Variants in MPPED2 observed in about 807,000 individuals in gnomAD.
MPPED2 encodes metallophosphoesterase MPPED2.
MPPED2 carries 5 observed loss-of-function variants against 33.0 expected under a neutral mutation model. The ratio of observed to expected loss-of-function variants is 0.15; its 90% CI spans 0.08 to 0.32. The LOEUF (loss-of-function observed/expected upper bound fraction) is 0.32, where lower values mean the gene tolerates loss of function less well. Among genes scored for constraint, MPPED2 ranks in the 10% least tolerant of loss-of-function variants. The pLI is 1.00. For missense variants in MPPED2, 275 were observed against 372.1 expected (o/e 0.74, Z 2.15); for synonymous variants, 136 against 141.9 (o/e 0.96, Z 0.29).
At chr11:30,396,961 C>T (rs1947846560) in intron 6 of MPPED2, among the ~76,000 whole-genome samples, 1 of 152,142 alleles carries the variant, frequency 6.6e-6, no homozygotes, top group Admixed American at 6.6e-5. Flanking sequence ...TTCTATCTCT[C>T]TTCTTTATTC....
chr11:30,424,488 A>G (rs1948745956), intron 4 of MPPED2, among the ~76,000 whole-genome samples: 1 of 152,140 alleles, frequency 6.6e-6, no homozygotes, highest in South Asian at 2.1e-4. Flanking sequence ...ATCATACTGC[A>G]CTTCACAGCG....
intron 2 of MPPED2, among the ~76,000 whole-genome samples, chr11:30,574,909 C>A (rs1956861278): frequency 6.6e-6 from 1 of 152,176 alleles, no homozygotes; most frequent in South Asian, 2.1e-4. Flanking sequence ...CAAATGTATT[C>A]CCTAAAAATC....
At chr11:30,580,762 C>A (rs1398111039) in intron 1 of MPPED2, among the ~76,000 whole-genome samples, 1 of 152,138 alleles carries the variant, frequency 6.6e-6, no homozygotes, top group Admixed American at 6.5e-5. Flanking sequence ...TGGCACTTAG[C>A]GTGAATTACG....
At chr11:30,579,152 G>T (rs1957054982) in intron 2 of MPPED2, among the ~76,000 whole-genome samples, 1 of 149,544 alleles carries the variant, frequency 6.7e-6, no homozygotes. Flanking sequence ...TCAATGGAAA[G>T]ACCCTTTTGT....
At chr11:30,527,686 G>C (rs1267410608) in intron 3 of MPPED2, among the ~76,000 whole-genome samples, 2 of 152,170 alleles carry the variant, frequency 1.3e-5, no homozygotes, top group African/African-American at 2.4e-5. Flanking sequence ...CTGGTGGCCA[G>C]GTAGGGCCAC....
At chr11:30,416,554 TC>T (rs751388184) in intron 5 of MPPED2, among the ~76,000 whole-genome samples, 2 of 152,214 alleles carry the variant, frequency 1.3e-5, no homozygotes, top group African/African-American at 4.8e-5. Flanking sequence ...AAGTGTTTTT[TC>T]CCTCTCTCCA....
rs143356981 is a variant in MPPED2 at position 30,479,155 on chromosome 11, T to C, written c.536+16141A>G. Among the ~76,000 whole-genome samples the C allele has an allele frequency of 9.7e-4, 148 of 152,020 alleles. 1 individual carries two copies. The highest frequency in any genetic ancestry group is 3.2e-3 in the African/African-American group (134 of 41,474). On this transcript the variant is annotated intron_variant, in intron 4 of 6. Transcript: ENST00000358117. ...AGGGAATATGCTGGAGGGAGGGAGA[T>C]CACACTGGCCAAAAGGGTGGAAAAA...
chr11:30,546,040 G>A (rs893177489), intron 2 of MPPED2, among the ~76,000 whole-genome samples: 5 of 152,050 alleles, frequency 3.3e-5, no homozygotes, highest in Non-Finnish European at 5.9e-5. Flanking sequence ...GGCTGGTCTC[G>A]AACTCCTGAC....
At chr11:30,428,751 C>T (rs977002960) in intron 4 of MPPED2, among the ~76,000 whole-genome samples, 5 of 152,086 alleles carry the variant, frequency 3.3e-5, no homozygotes, top group East Asian at 1.9e-4. Flanking sequence ...CAACCATACA[C>T]GTATGTTGTG....
At chr11:30,516,882 A>G (rs1252577630) in intron 3 of MPPED2, among the ~76,000 whole-genome samples, 1 of 152,210 alleles carries the variant, frequency 6.6e-6, no homozygotes, top group Admixed American at 6.5e-5. Context: ...TTCTTAATTC[A>G]TTTTAAGATA....
In MPPED2 at chr11:30,509,520, G is replaced by A. The variant is rs141542374; in HGVS notation, c.311-13999C>T. Among the ~76,000 whole-genome samples the A allele has an allele frequency of 2.4e-4, 37 of 152,218 alleles. No homozygotes were observed. In the East Asian group the frequency reaches 6.0e-3, roughly 25 times the overall value. On this transcript the variant is annotated intron_variant, in intron 3 of 6. Coordinates refer to ENST00000358117, the MANE Select transcript of MPPED2 (RefSeq NM_001584.3). ...AAGTTTTCACCCCTAGGCCTCTCAGGAAAATCACTGCTGTTTTGACAGCTG... is the reference window on the plus strand; with the variant it reads ...AAGTTTTCACCCCTAGGCCTCTCAGAAAAATCACTGCTGTTTTGACAGCTG...
At chr11:30,469,491 G>C (rs978796873) in intron 4 of MPPED2, among the ~76,000 whole-genome samples, 6 of 152,282 alleles carry the variant, frequency 3.9e-5, no homozygotes, top group African/African-American at 1.4e-4. Context: ...CAGAATCGGA[G>C]ATGTAGCAGC....
intron 4 of MPPED2, among the ~76,000 whole-genome samples, chr11:30,461,808 T>C (rs1950527777): frequency 6.6e-6 from 1 of 152,214 alleles, no homozygotes; most frequent in South Asian, 2.1e-4. Context: ...CAATTTTATC[T>C]CTAGAATTTT....
intron 3 of MPPED2, among the ~76,000 whole-genome samples, chr11:30,532,131 T>C (rs917541193): frequency 1.3e-5 from 2 of 152,232 alleles, no homozygotes; most frequent in African/African-American, 4.8e-5. Flanking sequence ...AATGCAGGGG[T>C]ACAGCATCTG....
chr11:30,466,275 A>G (rs1444866802), intron 4 of MPPED2, among the ~76,000 whole-genome samples: 1 of 152,270 alleles, frequency 6.6e-6, no homozygotes, highest in Non-Finnish European at 1.5e-5. Flanking sequence ...ATCAGGATTC[A>G]GCTAAGAGAG....
chr11:30,439,946 T>C (rs562154251), intron 4 of MPPED2, among the ~76,000 whole-genome samples: 1 of 152,340 alleles, frequency 6.6e-6, no homozygotes, highest in African/African-American at 2.4e-5. Flanking sequence ...GAATTAGCAG[T>C]AATATAGGTA....
intron 2 of MPPED2, among the ~76,000 whole-genome samples, chr11:30,540,248 C>T (rs1955024412): frequency 6.6e-6 from 1 of 152,150 alleles, no homozygotes; most frequent in Non-Finnish European, 1.5e-5. Flanking sequence ...TGACACACAA[C>T]AAATGCTCCA....
chr11:30,525,378 G>A (rs77640003), intron 3 of MPPED2, among the ~76,000 whole-genome samples: 2,621 of 152,266 alleles, frequency 0.017, 66 homozygotes, highest in African/African-American at 0.06. Flanking sequence ...TGGAAAAGTT[G>A]AGAACTTTTT....
rs557601288 is a variant in MPPED2 at position 30,579,879 on chromosome 11, C to T, written c.128+367G>A. 1.8e-4 allele frequency among the ~76,000 whole-genome samples: 28 copies of T among 151,736 alleles called. No individual in the cohort carries two copies. In the South Asian group the frequency reaches 4.4e-3, roughly 24 times the overall value. ...TTAAAGAAATATTTCAGAATGGAGG[C>T]AAGCAATACAATGTAAAGCAAATTG... On this transcript the variant is annotated intron_variant, in intron 2 of 6. Transcript: ENST00000358117.
Sources: gnomAD v4.1 joint callset for allele counts (sites outside exome capture counted in the v4.1 genomes callset) on GRCh38, gnomAD v4.1.1 for gene constraint, MANE v1.5 for transcripts, NCBI Gene and HGNC (gene_info 2026-07-23, HGNC 2026-07-21) for gene names.